The following RIF1 variants were observed in gnomAD, a reference collection of about 807,000 sequenced individuals.
The protein encoded by RIF1 is telomere-associated protein RIF1.
RIF1 carries 45 observed loss-of-function variants against 247.1 expected under a neutral mutation model. That is an observed-to-expected ratio of 0.18 (90% CI 0.14 to 0.23). The LOEUF is 0.23. Ranked by LOEUF, RIF1 falls within the 10% of genes least tolerant of loss-of-function variation. The pLI, the probability that RIF1 is intolerant of heterozygous loss-of-function variation, is 1.00. For synonymous variants in RIF1, 1,087 were observed against 978.8 expected, an observed-to-expected ratio of 1.11 and a Z score of -2.06; for missense variants, 2,967 against 2,862.5, an observed-to-expected ratio of 1.04 and a Z score of -0.83.
At chr2:151,519,790 C>T in the RIF1 span, 73 of 1,463,244 alleles carry the variant, frequency 5.0e-5, no homozygotes, top group Admixed American at 8.0e-4. Context: ...TGCAAACATC[C>T]AAATTATTCC....
intron 16 of RIF1, among the ~76,000 whole-genome samples, chr2:151,442,755 A>G (rs1037656544): frequency 1.4e-5 from 2 of 147,018 alleles, no homozygotes; most frequent in African/African-American, 2.5e-5. Context: ...TGATTAGACT[A>G]TAAAGAGCTT....
intron 27 of RIF1, among the ~76,000 whole-genome samples, chr2:151,462,023 G>A (rs1489269954): frequency 1.2e-4 from 19 of 152,012 alleles, no homozygotes; most frequent in African/African-American, 3.1e-4. Flanking sequence ...GCAGATGCAC[G>A]CCACCATGCC....
the RIF1 span, chr2:151,527,690 T>A: frequency 1.3e-6 from 1 of 757,010 alleles, no homozygotes; most frequent in Non-Finnish European, 2.2e-6. Context: ...TCTCAAATCA[T>A]GATTCCTAAT....
Position 151,461,252 on chromosome 2 carries a change from T to C in RIF1, c.3190T>C (p.Leu1064=). 6.2e-7 allele frequency: 1 copy of C among 1,613,202 alleles called. No homozygotes were observed. The highest frequency in any genetic ancestry group is 8.5e-7 in the Non-Finnish European group (1 of 1,179,812). Residue 1064 remains leucine, a synonymous_variant, in exon 27 of 36, where the codon TTA becomes CTA. Coordinates refer to ENST00000444746, the MANE Select transcript of RIF1 (RefSeq NM_018151.5). The part of the protein sequence containing the change: ...PEGKDAKERI[L]TDHQKEVLKT... ...AGGAAAAGATGCAAAGGAAAGAATA[T>C]TAACTGATCATCAAAAAGAAGTTCT...
In RIF1 at chr2:151,458,874, A is replaced by C. The variant is rs1358314693; in HGVS notation, c.2919A>C (p.Glu973Asp). Reference protein sequence around the residue: ...LLLLPGLETVEMMEESSGPYS... With the variant: ...LLLLPGLETVDMMEESSGPYS... Reference sequence around the variant, plus strand: ...TGTTGCCTGGTTTGGAAACTGTTGAAATGATGGAGGAATCCAGTGGACCAT... The same window carrying C: ...TGTTGCCTGGTTTGGAAACTGTTGACATGATGGAGGAATCCAGTGGACCAT... Residue 973 changes from glutamate to aspartate, a missense_variant, in exon 25 of 36, where the codon GAA (glutamate) becomes GAC (aspartate). Physicochemically the swap from Glu to Asp is conservative, Grantham distance 45. Transcript: ENST00000444746. The C allele has an allele frequency of 6.2e-7, 1 of 1,612,946 alleles. No homozygotes were observed. Among genetic ancestry groups the C allele is most frequent in the Non-Finnish European group, 8.5e-7 (1 of 1,179,260 alleles).
chr2:151,514,327 G>A, the RIF1 span: 5 of 1,610,096 alleles, frequency 3.1e-6, no homozygotes, highest in Non-Finnish European at 4.3e-6. Context: ...CCTCATTGAG[G>A]ATTTGAGTGG....
intron 2 of RIF1, 146 bp downstream of exon 2, chr2:151,410,673 C>A: frequency 1.5e-6 from 1 of 672,506 alleles, no homozygotes; most frequent in Non-Finnish European, 2.6e-6. Context: ...CCTTGGGGGG[C>A]GGGGGAGATG....
chr2:151,473,829 T>G, intron 34 of RIF1, 135 bp from the exon 35 acceptor site: 1 of 650,916 alleles, frequency 1.5e-6, no homozygotes, highest in South Asian at 1.8e-5. Flanking sequence ...TATTAGCTCT[T>G]AATTGTGATG....
chr2:151,449,190 T>C (rs1406454347), intron 20 of RIF1, among the ~76,000 whole-genome samples: 2 of 152,244 alleles, frequency 1.3e-5, no homozygotes, highest in Non-Finnish European at 2.9e-5. Context: ...GCTTACATAC[T>C]TCCTTGTATT....
chr2:151,486,165 C>T, downstream of RIF1: 1 of 457,502 alleles, frequency 2.2e-6, no homozygotes, highest in Non-Finnish European at 3.9e-6. Flanking sequence ...CAACTCAATG[C>T]CTTCCCCCAC....
downstream of RIF1, among the ~76,000 whole-genome samples, chr2:151,512,186 A>G (rs2075016160): frequency 6.6e-6 from 1 of 151,728 alleles, no homozygotes; most frequent in Admixed American, 6.6e-5. Context: ...GCCTGCCACC[A>G]CGCCCGGCTA....
intron 3 of RIF1, among the ~76,000 whole-genome samples, chr2:151,411,552 G>A (rs1317850583): frequency 6.6e-6 from 1 of 152,000 alleles, no homozygotes; most frequent in African/African-American, 2.4e-5. Context: ...ATAGGCATCC[G>A]CCACCGCCCC....
intron 9 of RIF1, among the ~76,000 whole-genome samples, chr2:151,488,511 G>T (rs2053132000): frequency 6.6e-6 from 1 of 151,634 alleles, no homozygotes; most frequent in Non-Finnish European, 1.5e-5. Context: ...GCCTAGAATG[G>T]CATATACACC....
Position 151,477,505 on chromosome 2 carries a change from C to G in RIF1, c.*2434C>G, listed in dbSNP as rs2048987317. 1 of 152,060 alleles carries G rather than the reference C, an allele frequency of 6.6e-6. No homozygotes were observed. The highest frequency in any genetic ancestry group is 6.6e-5 in the Admixed American group (1 of 15,244). The allele number at this position is 152,060 out of a possible 1,614,324, so 9.4% of individuals were successfully genotyped here. Reference sequence around the variant, plus strand: ...TCTCGGTTCACTGCAAGCTCTGCCTCCCAGGTTTACACCATTCTCCTGCCT... The same window carrying G: ...TCTCGGTTCACTGCAAGCTCTGCCTGCCAGGTTTACACCATTCTCCTGCCT... On this transcript the variant is annotated 3_prime_UTR_variant, in exon 36 of 36. Coordinates refer to ENST00000444746, the MANE Select transcript of RIF1 (RefSeq NM_018151.5).
intron 34 of RIF1, among the ~76,000 whole-genome samples, chr2:151,472,961 T>C (rs901767173): frequency 6.6e-6 from 1 of 152,296 alleles, no homozygotes; most frequent in Admixed American, 6.5e-5. Context: ...AGCTCCTCTT[T>C]GTACCTCTGG....
At chr2:151,483,996 A>G (rs1353565496), downstream of RIF1, among the ~76,000 whole-genome samples, 1 of 152,250 alleles carries the variant, frequency 6.6e-6, no homozygotes, top group African/African-American at 2.4e-5. Flanking sequence ...TCTCTTGATT[A>G]TAATACCTAA....
At chr2:151,528,820 A>G in the RIF1 span, among the ~76,000 whole-genome samples, 1 of 152,348 alleles carries the variant, frequency 6.6e-6, no homozygotes, top group East Asian at 1.9e-4. Context: ...AAATGGCTCA[A>G]TGTTTTCTTC....
intron 9 of RIF1, chr2:151,491,674 C>G: frequency 6.4e-7 from 1 of 1,572,486 alleles, no homozygotes. Flanking sequence ...CCTTTTTCAG[C>G]TAACACACCA....
chr2:151,454,736 T>C (rs573707290), intron 21 of RIF1, among the ~76,000 whole-genome samples, 159 bp from the exon 22 acceptor site: 1 of 152,346 alleles, frequency 6.6e-6, no homozygotes, highest in South Asian at 2.1e-4. Context: ...TATCCATTAA[T>C]GGTACATTAT....
Sources: allele counts gnomAD v4.1 joint callset (sites outside exome capture counted in the v4.1 genomes callset), GRCh38; gene constraint gnomAD v4.1.1; transcripts MANE v1.5; gene names NCBI Gene and HGNC (gene_info 2026-07-23, HGNC 2026-07-21).